SGCD: variants seen among roughly 807,000 people sequenced by gnomAD.
The protein encoded by SGCD is sarcoglycan delta.
Under a neutral mutation model 36.6 loss-of-function variants are expected in SGCD, and 18 were observed. The observed-to-expected ratio is 0.49, with a 90% CI of 0.34 to 0.73. SGCD has a LOEUF of 0.73. Ranked by LOEUF, SGCD falls within the 30% of genes least tolerant of loss-of-function variation. SGCD has a pLI of 0.01. For missense variants in SGCD, 387 were observed against 346.7 expected (o/e 1.12, Z -0.92); for synonymous variants, 133 against 130.6 (o/e 1.02, Z -0.12).
chr5:156,409,803 C>G (rs1346517042), intron 3 of SGCD, among the ~76,000 whole-genome samples: 2 of 152,198 alleles, frequency 1.3e-5, no homozygotes, highest in African/African-American at 2.4e-5. Flanking sequence ...TTAATATTAT[C>G]TGCCTCACAC....
At chr5:156,596,039 C>G (rs1760915036) in intron 6 of SGCD, among the ~76,000 whole-genome samples, 1 of 152,152 alleles carries the variant, frequency 6.6e-6, no homozygotes, top group South Asian at 2.1e-4. Context: ...GCTGGCATCA[C>G]TGAGCCAGTT....
chr5:155,823,229 G>T, the SGCD span, among the ~76,000 whole-genome samples: 1 of 149,238 alleles, frequency 6.7e-6, no homozygotes, highest in Admixed American at 6.7e-5. Context: ...CCAAGCTGGA[G>T]ACCCAGAAAA....
chr5:156,130,205 T>G (rs917500507), intron 3 of SGCD, among the ~76,000 whole-genome samples: 1 of 152,242 alleles, frequency 6.6e-6, no homozygotes, highest in Non-Finnish European at 1.5e-5. Context: ...AGATGGTATC[T>G]TGTAATGGTT....
At chr5:155,940,222 A>C (rs1442284736) in intron 1 of SGCD, among the ~76,000 whole-genome samples, 6 of 151,376 alleles carry the variant, frequency 4.0e-5, no homozygotes, top group African/African-American at 1.5e-4. Context: ...TTCTTTTCTC[A>C]CTCCTCTTAA....
intron 1 of SGCD, among the ~76,000 whole-genome samples, chr5:155,909,021 A>G (rs1756578891): frequency 6.6e-6 from 1 of 152,122 alleles, no homozygotes; most frequent in Non-Finnish European, 1.5e-5. Flanking sequence ...CTTAAAGGAC[A>G]CAAGAAGCAT....
intron 1 of SGCD, among the ~76,000 whole-genome samples, chr5:156,102,121 T>C (rs1401596632): frequency 6.6e-6 from 1 of 152,122 alleles, no homozygotes; most frequent in Non-Finnish European, 1.5e-5. Flanking sequence ...GTGGAACAAA[T>C]GTTACAGAAA....
At chr5:156,627,070 T>C (rs1169131600) in intron 6 of SGCD, among the ~76,000 whole-genome samples, 1 of 152,190 alleles carries the variant, frequency 6.6e-6, no homozygotes, top group Non-Finnish European at 1.5e-5. Context: ...CCTGAAATGA[T>C]TTTTCAAGTT....
chr5:156,135,798 A>T (rs1762441049), intron 3 of SGCD, among the ~76,000 whole-genome samples: 1 of 151,908 alleles, frequency 6.6e-6, no homozygotes, highest in Admixed American at 6.6e-5. Context: ...GTCCCTGGAG[A>T]TTTTTTGGGT....
chr5:155,810,800 T>TTTTTTC, the SGCD span, among the ~76,000 whole-genome samples: 1 of 19,366 alleles, frequency 5.2e-5, no homozygotes, highest in African/African-American at 1.5e-4. Flanking sequence ...GTCTGCTTTT[T>TTTTTTC]TTTTTTTTTT....
intron 3 of SGCD, among the ~76,000 whole-genome samples, chr5:156,214,756 A>G (rs1201003741): frequency 6.6e-6 from 1 of 152,088 alleles, no homozygotes; most frequent in Non-Finnish European, 1.5e-5. Flanking sequence ...AGACACATAG[A>G]CCAATGGAAT....
rs201675198 is a variant in SGCD, at chr5:156,096,991, AT to A, written c.-281-20877del. Among the ~76,000 whole-genome samples, 284 of 149,778 alleles carry A rather than the reference AT, an allele frequency of 1.9e-3. 2 individuals carry two copies. Among genetic ancestry groups the A allele is most frequent in the Non-Finnish European group, 1.1e-3 (72 of 67,322 alleles). On this transcript the variant is annotated intron_variant, in intron 1 of 9. Transcript: ENST00000517913. ...CTGATATAGAATTCATAGTTGATAGATTTTTTTTTTCTTTCAGTGCTTGAAA... is the reference window on the plus strand; with the variant it reads ...CTGATATAGAATTCATAGTTGATAGATTTTTTTTTCTTTCAGTGCTTGAAA...
chr5:155,843,309 G>A, the SGCD span, among the ~76,000 whole-genome samples: 1 of 152,062 alleles, frequency 6.6e-6, no homozygotes, highest in Non-Finnish European at 1.5e-5. Flanking sequence ...CTATTTCCTT[G>A]ATTGAGCACT....
intron 3 of SGCD, among the ~76,000 whole-genome samples, chr5:156,400,290 T>G (rs1191075376): frequency 6.6e-6 from 1 of 152,204 alleles, no homozygotes; most frequent in Non-Finnish European, 1.5e-5. Context: ...GGAGATATGT[T>G]ATTGACACTT....
chr5:156,643,474 C>T (rs1386468034), intron 6 of SGCD, among the ~76,000 whole-genome samples: 4 of 152,082 alleles, frequency 2.6e-5, no homozygotes, highest in Non-Finnish European at 5.9e-5. Context: ...GGTTCACCAA[C>T]ATACTGTGCT....
rs1178558734 is a variant in SGCD at position 156,765,977 on chromosome 5, A to G, written c.*6587A>G. 1 of 151,970 alleles carries G rather than the reference A, an allele frequency of 6.6e-6. No homozygotes were observed. Among genetic ancestry groups the G allele is most frequent in the Non-Finnish European group, 1.5e-5 (1 of 68,014 alleles). The allele number at this position is 151,970 out of a possible 1,614,324, so 9.4% of individuals were successfully genotyped here. A position where few individuals can be genotyped will look rare whatever the true frequency, so the allele number is the denominator to read the frequency against. Reference sequence around the variant, plus strand: ...AATATAGAAAGCCTGCCTGAATAATAGAATCTAGAACAACAACAAAAATAT... The same window carrying G: ...AATATAGAAAGCCTGCCTGAATAATGGAATCTAGAACAACAACAAAAATAT... On this transcript the variant is annotated 3_prime_UTR_variant, in exon 9 of 9. Coordinates refer to ENST00000337851, the MANE Select transcript of SGCD (RefSeq NM_000337.6).
chr5:156,276,540 C>A (rs1323205535), intron 3 of SGCD, among the ~76,000 whole-genome samples: 2 of 152,094 alleles, frequency 1.3e-5, no homozygotes, highest in African/African-American at 2.4e-5. Context: ...CCATGTACGA[C>A]ATGTGCCTGT....
intron 1 of SGCD, among the ~76,000 whole-genome samples, chr5:155,996,230 A>G (rs1017228598): frequency 3.9e-5 from 6 of 152,114 alleles, no homozygotes; most frequent in Admixed American, 3.9e-4. Context: ...TCACCCAGGT[A>G]CTAAGCATAG....
chr5:156,577,214 G>A (rs190376626), intron 4 of SGCD, among the ~76,000 whole-genome samples: 121 of 152,278 alleles, frequency 7.9e-4, no homozygotes, highest in African/African-American at 2.9e-3. Context: ...GTTTGTCAAA[G>A]ATCAGATGGT....
At chr5:156,573,182 T>A (rs910211251) in intron 4 of SGCD, among the ~76,000 whole-genome samples, 9 of 152,156 alleles carry the variant, frequency 5.9e-5, no homozygotes, top group Admixed American at 5.2e-4. Flanking sequence ...ATACTGTACT[T>A]CTTAAGAGCT....
Sources: gnomAD v4.1 joint callset for allele counts (sites outside exome capture counted in the v4.1 genomes callset) on GRCh38, gnomAD v4.1.1 for gene constraint, MANE v1.5 for transcripts, NCBI Gene and HGNC (gene_info 2026-07-23, HGNC 2026-07-21) for gene names.